SERPINI1: variants seen among roughly 807,000 people sequenced by gnomAD.
SERPINI1 encodes neuroserpin.
Under a neutral mutation model 41.1 loss-of-function variants are expected in SERPINI1, and 19 were observed. The ratio of observed to expected loss-of-function variants is 0.46; its 90% CI spans 0.32 to 0.68. The LOEUF is 0.68. SERPINI1 is among the 30% of genes least tolerant of loss of function. SERPINI1 has a pLI of 0.03. For missense variants in SERPINI1, 460 were observed against 479.2 expected (o/e 0.96, Z 0.37); for synonymous variants, 138 against 156.6 (o/e 0.88, Z 0.89).
chr3:167,810,879 T>A (rs1188343656), intron 6 of SERPINI1, among the ~76,000 whole-genome samples: 1 of 152,188 alleles, frequency 6.6e-6, no homozygotes, highest in East Asian at 1.9e-4. Context: ...TCCTTTGTTG[T>A]CATTTCAACG....
intron 3 of SERPINI1, among the ~76,000 whole-genome samples, chr3:167,792,212 C>T (rs893017061): frequency 6.6e-6 from 1 of 152,050 alleles, no homozygotes; most frequent in Non-Finnish European, 1.5e-5. Context: ...TGCATCATTG[C>T]AACTAGAAAG....
At chr3:167,765,484 G>A (rs186260879) in intron 1 of SERPINI1, among the ~76,000 whole-genome samples, 39 of 152,322 alleles carry the variant, frequency 2.6e-4, no homozygotes, top group East Asian at 2.5e-3. Context: ...CACACAGCAC[G>A]GGGTTCCTGG....
At chr3:167,793,596 A>ATATTTTTTTTTTTTTT in intron 4 of SERPINI1, among the ~76,000 whole-genome samples, 3 of 140,608 alleles carry the variant, frequency 2.1e-5, no homozygotes, top group African/African-American at 8.2e-5. Context: ...ATATATATAT[A>ATATTTTTTTTTTTTTT]TTTTTAATTA....
chr3:167,739,812 A>T lies in SERPINI1; in HGVS notation c.-19+3989A>T, dbSNP rs761353751. Among the ~76,000 whole-genome samples the T allele has an allele frequency of 1.3e-5, 2 of 152,360 alleles. 1 individual carries two copies. Among genetic ancestry groups the T allele is most frequent in the Middle Eastern group, 6.8e-3 (2 of 294 alleles). On this transcript the variant is annotated intron_variant, in intron 1 of 8. Transcript: ENST00000446050. ...TGTTTTTTGCATTTGACCTAGAAAC[A>T]AATTAATCTGATTGGTGTTAGAATT...
intron 7 of SERPINI1, 137 bp downstream of exon 7, chr3:167,823,209 C>G: frequency 1.4e-6 from 1 of 716,162 alleles, no homozygotes; most frequent in Non-Finnish European, 2.6e-6. Context: ...AAATGCTGAA[C>G]CAGCCGGAAT....
In SERPINI1 at chr3:167,793,596, A is replaced by ATATTTTT; in HGVS notation, c.676+813_676+814insATTTTTT. ...TACAAATATATATATATATATATAT[A>ATATTTTT]TTTTTAATTAGCTAGGCATAATGGT... On this transcript the variant is annotated intron_variant, in intron 4 of 8. Transcript: ENST00000446050. Among the ~76,000 whole-genome samples, 634 of 140,586 alleles carry ATATTTTT rather than the reference A, an allele frequency of 4.5e-3. 4 individuals are homozygous for ATATTTTT. The highest frequency in any genetic ancestry group is 0.012 in the African/African-American group (450 of 36,538). The allele number at this position is 140,586 out of a possible 152,430, so 92.2% of individuals were successfully genotyped here.
intron 5 of SERPINI1, among the ~76,000 whole-genome samples, chr3:167,805,349 G>A (rs1297551315): frequency 6.6e-6 from 1 of 152,040 alleles, no homozygotes; most frequent in Non-Finnish European, 1.5e-5. Flanking sequence ...GTCTTCTTTT[G>A]AGAAATGTCT....
At chr3:167,807,450 C>T (rs1711688299) in intron 6 of SERPINI1, 109 bp downstream of exon 6, 1 of 710,520 alleles carries the variant, frequency 1.4e-6, no homozygotes, top group Non-Finnish European at 2.4e-6. Context: ...ATATAGTTAC[C>T]ACTTGCCAAA....
intron 6 of SERPINI1, among the ~76,000 whole-genome samples, chr3:167,808,066 C>T (rs943205420): frequency 4.6e-5 from 7 of 151,420 alleles, no homozygotes; most frequent in African/African-American, 1.7e-4. Context: ...TGAAGTGAGC[C>T]GAGATTGCAC....
At chr3:167,822,645 TA>T (rs1269769021) in intron 6 of SERPINI1, among the ~76,000 whole-genome samples, 2 of 152,150 alleles carry the variant, frequency 1.3e-5, no homozygotes, top group Non-Finnish European at 2.9e-5. Flanking sequence ...CTTTTATATT[TA>T]AAATTAAAGA....
chr3:167,761,196 G>C (rs1223789918), intron 1 of SERPINI1, among the ~76,000 whole-genome samples: 1 of 152,162 alleles, frequency 6.6e-6, no homozygotes, highest in Non-Finnish European at 1.5e-5. Flanking sequence ...TAGCCACTGG[G>C]TTGCAACAGC....
intron 3 of SERPINI1, among the ~76,000 whole-genome samples, chr3:167,791,580 TCAA>T (rs1245531598): frequency 6.6e-6 from 1 of 152,204 alleles, no homozygotes; most frequent in East Asian, 1.9e-4. Context: ...TGAAGTAGAT[TCAA>T]CTATTAAAAC....
At chr3:167,802,395 T>C (rs1437281227) in intron 5 of SERPINI1, among the ~76,000 whole-genome samples, 1 of 149,408 alleles carries the variant, frequency 6.7e-6, no homozygotes, top group African/African-American at 2.5e-5. Context: ...AGGGCTAATA[T>C]CCAGAATCTA....
intron 5 of SERPINI1, among the ~76,000 whole-genome samples, chr3:167,806,995 A>T (rs1047218894): frequency 1.3e-5 from 2 of 152,176 alleles, no homozygotes; most frequent in Non-Finnish European, 2.9e-5. Flanking sequence ...TGTACCATAT[A>T]TTATGGTTTT....
At chr3:167,793,927 TA>T (rs1727629215) in intron 4 of SERPINI1, among the ~76,000 whole-genome samples, 1 of 151,356 alleles carries the variant, frequency 6.6e-6, no homozygotes, top group South Asian at 2.1e-4. Flanking sequence ...CCTAATTACC[TA>T]ATTTGGAGAT....
chr3:167,784,188 A>C (rs1371115389), intron 1 of SERPINI1, among the ~76,000 whole-genome samples: 1 of 152,068 alleles, frequency 6.6e-6, no homozygotes, highest in African/African-American at 2.4e-5. Context: ...TTTTAACCTG[A>C]GGTCAGTGAA....
At position 167,772,864 on chromosome 3, in the gene SERPINI1, C is replaced by CTCTCTCTCTCTATA. The variant is rs1374013676; in HGVS notation, c.-18-16246_-18-16245insCTCTCTCTCTATAT. 2.2e-3 allele frequency among the ~76,000 whole-genome samples: 55 copies of CTCTCTCTCTCTATA among 24,608 alleles called. 1 individual carries two copies. The highest frequency in any genetic ancestry group is 3.4e-3 in the East Asian group (1 of 294). 16.1% of individuals were successfully genotyped at this position (24,608 alleles called of 152,430 possible). A position where few individuals can be genotyped will look rare whatever the true frequency, so the allele number is the denominator to read the frequency against. The stretch of plus-strand genomic sequence containing the variant: ...TCTCTCTCTCTCTCTCTCTCTCTCT[C>CTCTCTCTCTCTATA]TATATATATATATATATATATATAT... On this transcript the variant is annotated intron_variant, in intron 1 of 8. Transcript: ENST00000446050.
Position 167,790,354 on chromosome 3 carries a change from T to A in SERPINI1, c.251-18T>A. 1 of 1,529,336 alleles carries A rather than the reference T, an allele frequency of 6.5e-7. No homozygotes were observed. Among genetic ancestry groups the A allele is most frequent in the Middle Eastern group, 1.7e-4 (1 of 5,878 alleles). The allele number at this position is 1,529,336 out of a possible 1,614,324, so 94.7% of individuals were successfully genotyped here. On this transcript the variant is annotated intron_variant, in intron 2 of 8. Transcript: ENST00000446050. ...CGTGTTTGTTCTACAAATAAACTTA[T>A]CCTTTCTCATCTTTCAGGTGAAGAA...
chr3:167,793,594 A>AT lies in SERPINI1; in HGVS notation c.676+811dup, dbSNP rs544906097. Among the ~76,000 whole-genome samples, 1,266 of 106,420 alleles carry AT rather than the reference A, an allele frequency of 0.012. 77 individuals are homozygous for AT. In the East Asian group the frequency reaches 0.18, roughly 15 times the overall value. The allele number at this position is 106,420 out of a possible 152,430, so 69.8% of individuals were successfully genotyped here. Reference sequence around the variant, plus strand: ...TCTACAAATATATATATATATATATATATTTTTAATTAGCTAGGCATAATG... The same window carrying AT: ...TCTACAAATATATATATATATATATATTATTTTTAATTAGCTAGGCATAATG... On this transcript the variant is annotated intron_variant, in intron 4 of 8. Coordinates refer to ENST00000446050, the MANE Select transcript of SERPINI1 (RefSeq NM_001122752.2).
Sources: allele counts gnomAD v4.1 joint callset (sites outside exome capture counted in the v4.1 genomes callset), GRCh38; gene constraint gnomAD v4.1.1; transcripts MANE v1.5; gene names NCBI Gene and HGNC (gene_info 2026-07-23, HGNC 2026-07-21).